The following FGGY variants were observed in gnomAD, a reference collection of about 807,000 sequenced individuals.
FGGY encodes FGGY carbohydrate kinase domain-containing protein.
A neutral mutation model predicts 71.3 loss-of-function variants in FGGY; 72 were observed. That is an observed-to-expected ratio of 1.01 (90% confidence interval 0.84 to 1.23). The LOEUF (loss-of-function observed/expected upper bound fraction) is 1.23. Ranked by LOEUF, FGGY falls within the 50% of genes most tolerant of loss-of-function variation. The pLI, the probability that FGGY is intolerant of heterozygous loss-of-function variation, is 0.00. For synonymous variants in FGGY, 251 were observed against 250.3 expected, an observed-to-expected ratio of 1.00 and a Z score of -0.02; for missense variants, 668 against 682.3, an observed-to-expected ratio of 0.98 and a Z score of 0.23.
chr1:59,550,687 G>C (rs1468449111), intron 7 of FGGY, among the ~76,000 whole-genome samples: 1 of 152,076 alleles, frequency 6.6e-6, no homozygotes, highest in Non-Finnish European at 1.5e-5. Flanking sequence ...GCAGAATTGG[G>C]GCTGAAACTC....
chr1:59,428,269 T>C (rs1442551628), intron 5 of FGGY, among the ~76,000 whole-genome samples: 3 of 145,038 alleles, frequency 2.1e-5, no homozygotes, highest in Non-Finnish European at 4.6e-5. Context: ...GAGTTTACCA[T>C]ATGTATATTA....
At chr1:59,467,789 A>G (rs2092720039) in intron 6 of FGGY, among the ~76,000 whole-genome samples, 1 of 152,228 alleles carries the variant, frequency 6.6e-6, no homozygotes, top group Non-Finnish European at 1.5e-5. Flanking sequence ...GGCACATTTT[A>G]GATACTGATG....
chr1:59,399,987 C>T (rs545464049), intron 5 of FGGY, among the ~76,000 whole-genome samples: 36 of 152,098 alleles, frequency 2.4e-4, no homozygotes, highest in Non-Finnish European at 3.5e-4. Flanking sequence ...TTTCTGTTCT[C>T]AAAGTTGTTG....
chr1:59,325,968 G>C (rs1341291422), intron 2 of FGGY, among the ~76,000 whole-genome samples: 2 of 152,218 alleles, frequency 1.3e-5, no homozygotes, highest in African/African-American at 4.8e-5. Flanking sequence ...ACAAGTCATA[G>C]AGGTTATATG....
intron 8 of FGGY, among the ~76,000 whole-genome samples, chr1:59,555,990 A>G (rs2095679566): frequency 6.6e-6 from 1 of 152,194 alleles, no homozygotes; most frequent in Non-Finnish European, 1.5e-5. Context: ...AACAAGAGCG[A>G]CACTCCATCT....
Position 59,456,972 on chromosome 1 carries a change from C to T in FGGY, c.566C>T (p.Ser189Phe), listed in dbSNP as rs2091766299. Residue 189 changes from serine to phenylalanine, a missense_variant, in exon 6 of 16, where the codon TCC (serine) becomes TTC (phenylalanine). Coordinates refer to ENST00000303721, the MANE Select transcript of FGGY (RefSeq NM_018291.5). The stretch of plus-strand genomic sequence containing the variant: ...TTCTATTTTCTTAGGTCTCTCTGCT[C>T]CCTGGTGTGTAAGTGGACATATTCA... The part of the protein sequence containing the change: ...ATGVTARSLC[S>F]LVCKWTYSAE... The T allele has an allele frequency of 1.9e-6, 3 of 1,612,914 alleles. No homozygotes were observed. The highest frequency in any genetic ancestry group is 1.7e-5 in the Admixed American group (1 of 60,006).
chr1:59,417,939 G>T (rs2064755228), intron 5 of FGGY, among the ~76,000 whole-genome samples: 1 of 152,206 alleles, frequency 6.6e-6, no homozygotes, highest in African/African-American at 2.4e-5. Flanking sequence ...TTATTGGACA[G>T]TTGCAGATAA....
chr1:59,705,607 C>G (rs1259502077), intron 14 of FGGY, among the ~76,000 whole-genome samples: 1 of 152,304 alleles, frequency 6.6e-6, no homozygotes, highest in South Asian at 2.1e-4. Flanking sequence ...AAGCTGGATA[C>G]TGAGCATGCA....
chr1:59,747,486 T>C (rs2098210165), intron 14 of FGGY, among the ~76,000 whole-genome samples: 1 of 152,168 alleles, frequency 6.6e-6, no homozygotes, highest in Non-Finnish European at 1.5e-5. Flanking sequence ...AAAACCCTAA[T>C]AGAATGTACC....
chr1:59,660,330 A>T (rs1264124148), intron 12 of FGGY, 37 bp downstream of exon 12: 1 of 1,556,788 alleles, frequency 6.4e-7, no homozygotes, highest in Non-Finnish European at 8.8e-7. Flanking sequence ...AGAGACTTAG[A>T]GCCATCAGTA....
intron 4 of FGGY, among the ~76,000 whole-genome samples, chr1:59,367,642 C>T (rs2056806817): frequency 1.3e-5 from 2 of 152,238 alleles, no homozygotes; most frequent in South Asian, 2.1e-4. Context: ...CCCCTCGACC[C>T]TGGTGTCACT....
At chr1:59,324,867 C>T (rs2047098368) in intron 2 of FGGY, among the ~76,000 whole-genome samples, 1 of 152,182 alleles carries the variant, frequency 6.6e-6, no homozygotes, top group South Asian at 2.1e-4. Flanking sequence ...ACCTGGTTGC[C>T]TGCTCATCTG....
rs538591087 is a variant in FGGY at position 59,339,209 on chromosome 1, T to C, written c.202-749T>C. Among the ~76,000 whole-genome samples, 10 of 152,292 alleles carry C rather than the reference T, an allele frequency of 6.6e-5. No individual in the cohort carries two copies. The East Asian group carries it at 1.9e-3, about 29-fold the overall frequency. ...CCTCAAGATATCTCATTATGTTATA[T>C]ACAAATATTCCAAAATCTGAAAAAT... On this transcript the variant is annotated intron_variant, in intron 2 of 15. Coordinates refer to ENST00000303721, the MANE Select transcript of FGGY (RefSeq NM_018291.5).
At chr1:59,519,917 G>A (rs900501854) in intron 7 of FGGY, among the ~76,000 whole-genome samples, 6 of 152,202 alleles carry the variant, frequency 3.9e-5, no homozygotes, top group Admixed American at 2.0e-4. Context: ...TCTCAACCAG[G>A]GGTGATTTGA....
At chr1:59,660,675 G>T (rs1270986178) in intron 12 of FGGY, among the ~76,000 whole-genome samples, 1 of 152,238 alleles carries the variant, frequency 6.6e-6, no homozygotes, top group African/African-American at 2.4e-5. Context: ...AAGGATTCAT[G>T]ATAGGGGTCC....
intron 7 of FGGY, among the ~76,000 whole-genome samples, chr1:59,527,705 C>T (rs976113535): frequency 6.6e-6 from 1 of 152,198 alleles, no homozygotes; most frequent in African/African-American, 2.4e-5. Flanking sequence ...ACATAACTTG[C>T]CTCTGTTCCT....
rs141243970 is a variant in FGGY, at chr1:59,555,872, G to T, written c.903+1645G>T. Among the ~76,000 whole-genome samples the T allele has an allele frequency of 1.1e-3, 160 of 152,218 alleles. 2 individuals carry two copies. The highest frequency in any genetic ancestry group is 3.7e-3 in the African/African-American group (153 of 41,536). ...AAAAATTAGCCGGGCGTGGTGGCAGGCACCTGTAATTCCAGCTGCTTGGGA... is the reference window on the plus strand; with the variant it reads ...AAAAATTAGCCGGGCGTGGTGGCAGTCACCTGTAATTCCAGCTGCTTGGGA... On this transcript the variant is annotated intron_variant, in intron 8 of 15. Transcript: ENST00000303721.
At chr1:59,471,665 A>G (rs2092946576) in intron 6 of FGGY, among the ~76,000 whole-genome samples, 1 of 152,224 alleles carries the variant, frequency 6.6e-6, no homozygotes, top group Non-Finnish European at 1.5e-5. Flanking sequence ...CCAGTCATGC[A>G]TCCAGCCAAC....
chr1:59,378,568 A>G, intron 4 of FGGY, among the ~76,000 whole-genome samples, 181 bp from the exon 5 acceptor site: 1 of 152,108 alleles, frequency 6.6e-6, no homozygotes, highest in East Asian at 1.9e-4. Flanking sequence ...AAGCATTGTC[A>G]GTTTTTCTTT....
Sources: allele counts gnomAD v4.1 joint callset (sites outside exome capture counted in the v4.1 genomes callset), GRCh38; gene constraint gnomAD v4.1.1; transcripts MANE v1.5; gene names NCBI Gene and HGNC (gene_info 2026-07-23, HGNC 2026-07-21).